The following GALNT10 variants were observed in gnomAD, a reference collection of about 807,000 sequenced individuals.
GALNT10 encodes GalNAc transferase 10.
Under a neutral mutation model 75.0 loss-of-function variants are expected in GALNT10, and 41 were observed. The observed-to-expected ratio is 0.55, with a 90% CI of 0.43 to 0.71. The LOEUF (loss-of-function observed/expected upper bound fraction) is 0.71, where lower values mean the gene tolerates loss of function less well. Among genes scored for constraint, GALNT10 ranks in the 30% least tolerant of loss-of-function variants. The pLI is 0.00. For synonymous variants in GALNT10, 302 were observed against 313.0 expected, an observed-to-expected ratio of 0.96 and a Z score of 0.37; for missense variants, 727 against 818.5, an observed-to-expected ratio of 0.89 and a Z score of 1.36.
chr5:154,223,417 T>G (rs1267317091), intron 1 of GALNT10, among the ~76,000 whole-genome samples: 2 of 152,220 alleles, frequency 1.3e-5, no homozygotes, highest in African/African-American at 4.8e-5. Context: ...GGCCCCATTC[T>G]TAACCTTTGG....
rs761877682 is a variant in GALNT10 at position 154,298,107 on chromosome 5, G to C, written c.401+28G>C. 4 of 1,600,552 alleles carry C rather than the reference G, an allele frequency of 2.5e-6. No individual in the cohort carries two copies. In the South Asian group the frequency reaches 4.4e-5, roughly 18 times the overall value. ...GAGTGTAACATCTCTCAAATTCTGA[G>C]ATCTAAGGATGTTTCCCTGGCTGTT... On this transcript the variant is annotated intron_variant, in intron 3 of 11. Coordinates refer to ENST00000297107, the MANE Select transcript of GALNT10 (RefSeq NM_198321.4). This position sits in a 1 kb window ranked among gnomAD's most constrained non-coding sequence, Gnocchi z 4.1.
At chr5:154,256,348 TTTTTG>T (rs372200828) in intron 1 of GALNT10, among the ~76,000 whole-genome samples, 79,550 of 132,734 alleles carry the variant, frequency 0.6, 22,731 homozygotes, top group East Asian at 0.75. Context: ...GAGGCTGTTG[TTTTTG>T]TTTTTTTTTT....
chr5:154,195,703 C>G (rs1774927152), intron 1 of GALNT10, among the ~76,000 whole-genome samples: 1 of 152,182 alleles, frequency 6.6e-6, no homozygotes, highest in African/African-American at 2.4e-5. Context: ...AATCCATTCT[C>G]CAAGTTCTTG....
intron 1 of GALNT10, among the ~76,000 whole-genome samples, chr5:154,276,763 G>C (rs530052514): frequency 6.6e-6 from 1 of 152,282 alleles, no homozygotes; most frequent in African/African-American, 2.4e-5. Context: ...TCCAAAAAGA[G>C]AGAGGCAGAC....
chr5:154,291,915 C>T (rs1754200366), intron 1 of GALNT10, among the ~76,000 whole-genome samples: 1 of 152,204 alleles, frequency 6.6e-6, no homozygotes, highest in Non-Finnish European at 1.5e-5. Context: ...GCCCCATCCA[C>T]ACAGCCCAGC....
At chr5:154,301,960 T>C (rs1020364502) in intron 3 of GALNT10, among the ~76,000 whole-genome samples, 1 of 152,224 alleles carries the variant, frequency 6.6e-6, no homozygotes, top group Non-Finnish European at 1.5e-5. Context: ...ATGTCACTAC[T>C]GCCAGCGCTC....
At chr5:154,397,076 G>A (rs1157071657) in intron 7 of GALNT10, among the ~76,000 whole-genome samples, 1 of 150,760 alleles carries the variant, frequency 6.6e-6, no homozygotes, top group Non-Finnish European at 1.5e-5. Context: ...GCAGTGAACC[G>A]AGATTGTGCC....
At chr5:154,247,853 A>G (rs2113672367) in intron 1 of GALNT10, among the ~76,000 whole-genome samples, 1 of 151,986 alleles carries the variant, frequency 6.6e-6, no homozygotes, top group East Asian at 1.9e-4. Context: ...ACTATGTTGA[A>G]TAGGAGTGGT....
chr5:154,211,743 A>G (rs541247972), intron 1 of GALNT10, among the ~76,000 whole-genome samples: 6 of 152,226 alleles, frequency 3.9e-5, no homozygotes, highest in African/African-American at 1.2e-4. Flanking sequence ...TACTTCCAAG[A>G]TGGCTCACTC....
At chr5:154,301,545 T>C (rs1246764006) in intron 3 of GALNT10, among the ~76,000 whole-genome samples, 1 of 151,102 alleles carries the variant, frequency 6.6e-6, no homozygotes, top group African/African-American at 2.4e-5. Flanking sequence ...CTAGATCTTG[T>C]TGCTTCTTGT....
chr5:154,359,284 TCTC>T (rs1215322934), intron 4 of GALNT10, among the ~76,000 whole-genome samples: 2 of 152,072 alleles, frequency 1.3e-5, no homozygotes, highest in Non-Finnish European at 2.9e-5. Context: ...AAACAAGCCC[TCTC>T]CACTCAGACC....
intron 1 of GALNT10, among the ~76,000 whole-genome samples, chr5:154,266,737 C>T (rs555724193): frequency 3.9e-5 from 6 of 152,018 alleles, no homozygotes; most frequent in African/African-American, 7.2e-5. Flanking sequence ...AAAATATTAG[C>T]GGGGTGTGGT....
intron 4 of GALNT10, among the ~76,000 whole-genome samples, chr5:154,355,506 A>AAGGGCC (rs1191635450): frequency 2.6e-5 from 4 of 152,210 alleles, no homozygotes; most frequent in Non-Finnish European, 5.9e-5. Flanking sequence ...GGAGCCAAGG[A>AAGGGCC]AGGGCCAGGG....
chr5:154,348,475 C>T (rs1441359348), intron 4 of GALNT10, among the ~76,000 whole-genome samples: 1 of 152,186 alleles, frequency 6.6e-6, no homozygotes, highest in Non-Finnish European at 1.5e-5. Flanking sequence ...CAGAGTTTGT[C>T]ATCAGTGATA....
At chr5:154,336,884 A>C (rs1754952149) in intron 4 of GALNT10, among the ~76,000 whole-genome samples, 1 of 152,094 alleles carries the variant, frequency 6.6e-6, no homozygotes, top group Admixed American at 6.6e-5. Context: ...TAGTGTGAAA[A>C]CCATACTGGC....
At chr5:154,319,310 A>G (rs1314735057) in intron 3 of GALNT10, among the ~76,000 whole-genome samples, 1 of 152,262 alleles carries the variant, frequency 6.6e-6, no homozygotes, top group Non-Finnish European at 1.5e-5. Context: ...CCAAATGTTT[A>G]GCAGAGATCA....
chr5:154,346,730 A>T (rs534147267), intron 4 of GALNT10, among the ~76,000 whole-genome samples: 7 of 151,974 alleles, frequency 4.6e-5, no homozygotes, highest in African/African-American at 1.7e-4. Context: ...TTTTTTTTTT[A>T]AAGAAGCTAA....
intron 1 of GALNT10, among the ~76,000 whole-genome samples, chr5:154,292,027 A>G (rs1168520132): frequency 2.0e-5 from 3 of 152,200 alleles, no homozygotes; most frequent in Non-Finnish European, 4.4e-5. Context: ...CCATTTTCAC[A>G]CTAGAATTAA....
rs1216668270 is a variant in GALNT10, at chr5:154,357,562, A to G, written c.569-18715A>G. 3.3e-5 allele frequency among the ~76,000 whole-genome samples: 5 copies of G among 152,292 alleles called. No homozygotes were observed. In the East Asian group the frequency reaches 7.7e-4, roughly 24 times the overall value. On this transcript the variant is annotated intron_variant, in intron 4 of 11. Coordinates refer to ENST00000297107, the MANE Select transcript of GALNT10 (RefSeq NM_198321.4). ...CTTTCAAGGTGCTGGAAACAGCCCC[A>G]TCAACCTCCTTATTTGGCCTTCAAA... is the stretch of plus-strand genomic sequence containing the variant.
Sources: allele counts gnomAD v4.1 joint callset (sites outside exome capture counted in the v4.1 genomes callset), GRCh38; gene constraint gnomAD v4.1.1; non-coding constraint Gnocchi (gnomAD v3.1); transcripts MANE v1.5; gene names NCBI Gene and HGNC (gene_info 2026-07-23, HGNC 2026-07-21).